Variants in ZNF839 observed in about 807,000 individuals in gnomAD.
ZNF839 encodes renal carcinoma antigen NY-REN-50.
A neutral mutation model predicts 56.4 loss-of-function variants in ZNF839; 38 were observed. That is an observed-to-expected ratio of 0.67 (90% CI 0.52 to 0.88). ZNF839 has a LOEUF of 0.88. Ranked by LOEUF, ZNF839 falls within the 40% of genes least tolerant of loss-of-function variation. The pLI is 0.00. For synonymous variants in ZNF839, 486 were observed against 493.5 expected (o/e 0.98, Z 0.20); for missense variants, 1,091 against 1,177.6 (o/e 0.93, Z 1.08).
In ZNF839 at chr14:102,342,073, C is replaced by G; in HGVS notation, c.2678C>G (p.Thr893Ser). ...GGACAGAAGCAGATTTTTATTCAGA[C>G]TTCCGATGGGCTTATCTTGTCCCCT... ...SQGQKQIFIQ[T>S]SDGLILSPPG... Residue 893 changes from threonine to serine, a missense_variant, in exon 8 of 8, where the codon ACT becomes AGT. Physicochemically the swap from Thr to Ser is moderately conservative, Grantham distance 58 (BLOSUM62 1). This residue lies in a region of ZNF839 where 431 missense variants were observed against 468.0 expected (regional missense o/e 0.92). Transcript: ENST00000442396. 1.2e-6 allele frequency: 2 copies of G among 1,614,030 alleles called. No homozygotes were observed. The highest frequency in any genetic ancestry group is 1.7e-6 in the Non-Finnish European group (2 of 1,179,912).
upstream of ZNF839, chr14:102,319,573 C>G: frequency 1.5e-6 from 1 of 668,216 alleles, no homozygotes; most frequent in Middle Eastern, 4.8e-4. The surrounding 1 kb of genome is among the most constrained non-coding windows in gnomAD (Gnocchi z 4.5). Flanking sequence ...GGGGTCCGCT[C>G]TGCTGATCAG....
chr14:102,336,337 C>T (rs911038749), intron 5 of ZNF839, among the ~76,000 whole-genome samples: 6 of 152,034 alleles, frequency 3.9e-5, no homozygotes, highest in Non-Finnish European at 7.4e-5. Context: ...CTCTGTCACC[C>T]AGGCTAGAGT....
At chr14:102,330,019 T>C in intron 2 of ZNF839, among the ~76,000 whole-genome samples, 1 of 151,778 alleles carries the variant, frequency 6.6e-6, no homozygotes, top group East Asian at 1.9e-4. Flanking sequence ...GGTCTTGAAC[T>C]CCTGACCTCA....
intron 3 of ZNF839, 61 bp downstream of exon 3, chr14:102,331,907 CTA>C: frequency 1.5e-6 from 2 of 1,374,322 alleles, no homozygotes; most frequent in Non-Finnish European, 2.0e-6. Flanking sequence ...GTGGCAATCA[CTA>C]TCAGTTTCTG....
chr14:102,329,126 C>G (rs948324861), intron 2 of ZNF839, among the ~76,000 whole-genome samples: 1 of 151,714 alleles, frequency 6.6e-6, no homozygotes, highest in Admixed American at 6.6e-5. Context: ...CGAGCCACCA[C>G]GCCCAGCTAA....
At chr14:102,339,747 T>TC (rs754549505) in intron 7 of ZNF839, among the ~76,000 whole-genome samples, 58 of 148,548 alleles carry the variant, frequency 3.9e-4, no homozygotes, top group Non-Finnish European at 5.5e-4. Flanking sequence ...AGACTCCATC[T>TC]CAAAAAAAAA....
intron 1 of ZNF839, among the ~76,000 whole-genome samples, chr14:102,322,224 A>G (rs564494087): frequency 1.9e-3 from 295 of 152,270 alleles, no homozygotes; most frequent in African/African-American, 6.6e-3. Flanking sequence ...ACCTGTCTGC[A>G]TTCCTTAGGG....
chr14:102,317,921 C>T (rs1317364669), upstream of ZNF839, among the ~76,000 whole-genome samples: 1 of 152,194 alleles, frequency 6.6e-6, no homozygotes, highest in East Asian at 1.9e-4. Flanking sequence ...TGAACAAAAG[C>T]CGGTTGTATA....
chr14:102,341,791 C>T lies in ZNF839; in HGVS notation c.2396C>T (p.Pro799Leu), dbSNP rs1314552152. The change falls in exon 8 of 8, where the codon CCG becomes CTG. Residue 799 changes from proline (P) to leucine (L), a missense_variant. Pro to Leu is a moderately conservative substitution (Grantham distance 98). Coordinates refer to ENST00000442396, the MANE Select transcript of ZNF839 (RefSeq NM_018335.6). ...SVLPTEVAAP[P>L]LEKILSVDSV... ...CTGCCTACAGAGGTGGCAGCCCCTCCGCTTGAGAAAATTTTGTCTGTGGAT... is the reference window on the plus strand; with the variant it reads ...CTGCCTACAGAGGTGGCAGCCCCTCTGCTTGAGAAAATTTTGTCTGTGGAT... 19 of 1,613,914 alleles carry T rather than the reference C, an allele frequency of 1.2e-5. No individual in the cohort carries two copies. The highest frequency in any genetic ancestry group is 1.5e-5 in the Non-Finnish European group (18 of 1,179,894).
intron 2 of ZNF839, among the ~76,000 whole-genome samples, chr14:102,327,744 C>T (rs1018637072): frequency 1.1e-4 from 17 of 152,194 alleles, no homozygotes; most frequent in Non-Finnish European, 1.6e-4. Flanking sequence ...GAGACCCCCA[C>T]GTTGTCTGCA....
At chr14:102,323,703 G>A (rs2073252264) in intron 1 of ZNF839, among the ~76,000 whole-genome samples, 1 of 152,298 alleles carries the variant, frequency 6.6e-6, no homozygotes, top group South Asian at 2.1e-4. Context: ...AGATATATTT[G>A]TAAAAAGTTA....
At chr14:102,317,880 T>A (rs1168762461), upstream of ZNF839, among the ~76,000 whole-genome samples, 2 of 152,200 alleles carry the variant, frequency 1.3e-5, no homozygotes, top group Non-Finnish European at 1.5e-5. Context: ...TCTCACTCGG[T>A]TCGTTTCTAG....
At chr14:102,324,451 G>A (rs909739739) in intron 1 of ZNF839, among the ~76,000 whole-genome samples, 4 of 152,160 alleles carry the variant, frequency 2.6e-5, no homozygotes, top group Non-Finnish European at 5.9e-5. Context: ...GCTGAGGCAG[G>A]AGAATTGCTT....
intron 1 of ZNF839, among the ~76,000 whole-genome samples, chr14:102,323,610 TTG>T (rs1221705482): frequency 6.6e-6 from 1 of 152,208 alleles, no homozygotes; most frequent in Non-Finnish European, 1.5e-5. Context: ...CAGAACATCT[TTG>T]TGGCCACCTG....
At position 102,326,711 on chromosome 14, in the gene ZNF839, G is replaced by T. The variant is rs977624300; in HGVS notation, c.1015G>T (p.Gly339Cys). 1.1e-5 allele frequency: 18 copies of T among 1,612,852 alleles called. No homozygotes were observed. Among genetic ancestry groups the T allele is most frequent in the Non-Finnish European group, 1.4e-5 (17 of 1,179,458 alleles). The change falls in exon 2 of 8, where the codon GGC (glycine) becomes TGC (cysteine). Residue 339 changes from glycine (G) to cysteine (C), a missense_variant. Gly to Cys is a radical substitution (Grantham distance 159). This residue lies in a region of ZNF839 where 614 missense variants were observed against 629.2 expected (regional missense o/e 0.98). Transcript: ENST00000442396. The surrounding 1 kb of genome is among the most constrained non-coding windows in gnomAD (Gnocchi z 4.3). ...ACATTTTAAACTTAACCCAGGCCACGGCCAGTTGGACCCCGAGATGGTGCT... is the reference window on the plus strand; with the variant it reads ...ACATTTTAAACTTAACCCAGGCCACTGCCAGTTGGACCCCGAGATGGTGCT... The part of the protein sequence containing the change: ...ARHFKLNPGH[G>C]QLDPEMVLSE...
Position 102,339,098 on chromosome 14 carries a change from C to G in ZNF839, c.1802C>G (p.Ala601Gly). The G allele has an allele frequency of 6.2e-7, 1 of 1,613,760 alleles. No homozygotes were observed. The highest frequency in any genetic ancestry group is 8.5e-7 in the Non-Finnish European group (1 of 1,179,806). The change falls in exon 7 of 8, where the codon GCG becomes GGG. Residue 601 changes from alanine (A) to glycine (G), a missense_variant. By Grantham distance (60) the Ala-to-Gly change is moderately conservative (BLOSUM62 0). This residue lies in a region of ZNF839 where 431 missense variants were observed against 468.0 expected (regional missense o/e 0.92). Coordinates refer to ENST00000442396, the MANE Select transcript of ZNF839 (RefSeq NM_018335.6). The part of the protein sequence containing the change: ...ASSEKREREA[A>G]EEGLASVKRP... ...GATTGGGTCTTCTCTTCACAGGCTG[C>G]GGAGGAGGGACTGGCCTCAGTGAAA...
intron 5 of ZNF839, among the ~76,000 whole-genome samples, chr14:102,336,185 A>C (rs1242005442): frequency 2.0e-4 from 31 of 151,264 alleles, no homozygotes; most frequent in Admixed American, 9.3e-4. Context: ...AAAAAACAAA[A>C]CAAAACCAAA....
chr14:102,319,707 A>C (rs28466273), upstream of ZNF839: 1 of 1,222,048 alleles, frequency 8.2e-7, no homozygotes, highest in Non-Finnish European at 1.0e-6. This position sits in a 1 kb window ranked among gnomAD's most constrained non-coding sequence, Gnocchi z 4.5. Context: ...CTCCTAGGTG[A>C]CGTACATTGG....
Position 102,332,096 on chromosome 14 carries a change from T to G in ZNF839, c.1416+250T>G, listed in dbSNP as rs1232792141. 6.6e-6 allele frequency among the ~76,000 whole-genome samples: 1 copy of G among 152,218 alleles called. No homozygotes were observed. The highest frequency in any genetic ancestry group is 2.4e-5 in the African/African-American group (1 of 41,456). ...TTGGAATAATTATAACCTGTGTTTATATGGAAGCAGTTTAGAAAACAACGG... is the reference window on the plus strand; with the variant it reads ...TTGGAATAATTATAACCTGTGTTTAGATGGAAGCAGTTTAGAAAACAACGG... On this transcript the variant is annotated intron_variant, in intron 3 of 7. Coordinates refer to ENST00000442396, the MANE Select transcript of ZNF839 (RefSeq NM_018335.6). The surrounding 1 kb of genome is among the most constrained non-coding windows in gnomAD (Gnocchi z 4.9).
Sources: allele counts gnomAD v4.1 joint callset (sites outside exome capture counted in the v4.1 genomes callset), GRCh38; gene constraint gnomAD v4.1.1; regional missense constraint gnomAD v4.1.1; non-coding constraint Gnocchi (gnomAD v3.1); transcripts MANE v1.5; gene names NCBI Gene and HGNC (gene_info 2026-07-23, HGNC 2026-07-21).